Variants in XYLT1 observed in about 807,000 individuals in gnomAD.
The protein encoded by XYLT1 is xylosyltransferase 1.
Under a neutral mutation model 91.3 loss-of-function variants are expected in XYLT1, and 36 were observed. The observed-to-expected ratio is 0.39, with a 90% CI of 0.30 to 0.52. The LOEUF (loss-of-function observed/expected upper bound fraction) is 0.52. Among genes scored for constraint, XYLT1 ranks in the 20% least tolerant of loss-of-function variants. XYLT1 has a pLI of 0.68. For synonymous variants in XYLT1, 588 were observed against 532.0 expected (o/e 1.11, Z -1.45); for missense variants, 1,242 against 1,284.5 (o/e 0.97, Z 0.51).
intron 1 of XYLT1, among the ~76,000 whole-genome samples, chr16:17,392,185 AC>A (rs1770831385): frequency 6.6e-6 from 1 of 152,132 alleles, no homozygotes; most frequent in Non-Finnish European, 1.5e-5. Flanking sequence ...ATAGGATCTT[AC>A]CCCTGCCTGT....
At chr16:17,251,425 G>C (rs2033536948) in intron 3 of XYLT1, 1 of 152,236 alleles carries the variant, frequency 6.6e-6, no homozygotes, top group Admixed American at 6.5e-5. Flanking sequence ...ATCTTCCCTG[G>C]AACTTCTCAC....
rs1184192940 is a variant in XYLT1 at position 17,176,811 on chromosome 16, C to G, written c.1290-17902G>C. On this transcript the variant is annotated intron_variant, in intron 5 of 11. Coordinates refer to ENST00000261381, the MANE Select transcript of XYLT1 (RefSeq NM_022166.4). ...ACTAGCTATCATGTTTCCCCTCCTC[C>G]AGCAGGCTGGTACAGTCCTCTACTT... Among the ~76,000 whole-genome samples, 3 of 150,972 alleles carry G rather than the reference C, an allele frequency of 2.0e-5. No homozygotes were observed. In the Admixed American group the frequency reaches 2.0e-4, roughly 10 times the overall value.
intron 2 of XYLT1, among the ~76,000 whole-genome samples, chr16:17,352,663 AT>A (rs2035238462): frequency 6.6e-6 from 1 of 152,214 alleles, no homozygotes; most frequent in Non-Finnish European, 1.5e-5. Flanking sequence ...TCCAGCTCAG[AT>A]TCCCCCACTA....
chr16:17,161,392 T>A (rs2031546770), intron 5 of XYLT1, among the ~76,000 whole-genome samples: 1 of 151,878 alleles, frequency 6.6e-6, no homozygotes, highest in African/African-American at 2.4e-5. Flanking sequence ...TGGCAAAGGA[T>A]CCTGATGGAT....
intron 2 of XYLT1, among the ~76,000 whole-genome samples, chr16:17,260,718 T>C (rs2033709963): frequency 6.6e-6 from 1 of 152,250 alleles, no homozygotes; most frequent in Admixed American, 6.5e-5. Flanking sequence ...TCCATTTGTG[T>C]ATTGTCCATG....
At chr16:17,294,112 T>A (rs1410631973) in intron 2 of XYLT1, among the ~76,000 whole-genome samples, 1 of 152,050 alleles carries the variant, frequency 6.6e-6, no homozygotes, top group East Asian at 1.9e-4. Flanking sequence ...GCAGGAGCAG[T>A]TACAAGGCTA....
Position 17,123,166 on chromosome 16 carries a change from C to A in XYLT1, c.2223+4500G>T, listed in dbSNP as rs187826792. Among the ~76,000 whole-genome samples, 87 of 152,244 alleles carry A rather than the reference C, an allele frequency of 5.7e-4. No homozygotes were observed. In the Middle Eastern group the frequency reaches 0.02, roughly 36 times the overall value. ...CATTGAATTTGTAGATTGCTTTTGG[C>A]AGTATGGTCATGGTCACAATATTGA... On this transcript the variant is annotated intron_variant, in intron 10 of 11. Transcript: ENST00000261381.
chr16:17,317,690 T>C (rs2034657457), intron 2 of XYLT1, among the ~76,000 whole-genome samples: 1 of 147,598 alleles, frequency 6.8e-6, no homozygotes, highest in African/African-American at 2.5e-5. Context: ...TGGTATGCAG[T>C]ATCTCTTTAC....
intron 3 of XYLT1, among the ~76,000 whole-genome samples, chr16:17,223,857 T>C (rs1389980228): frequency 1.3e-5 from 2 of 152,268 alleles, no homozygotes; most frequent in African/African-American, 4.8e-5. Context: ...AAGCTCTATC[T>C]ACCAAATAAA....
intron 6 of XYLT1, among the ~76,000 whole-genome samples, chr16:17,144,049 A>G (rs2031065634): frequency 6.6e-6 from 1 of 152,252 alleles, no homozygotes; most frequent in South Asian, 2.1e-4. Flanking sequence ...AAAACCCCAG[A>G]GACAGTACTT....
At chr16:17,379,759 TC>T (rs2035651262) in intron 1 of XYLT1, among the ~76,000 whole-genome samples, 1 of 117,940 alleles carries the variant, frequency 8.5e-6, no homozygotes, top group African/African-American at 3.9e-5. Context: ...TCTCTCTCTC[TC>T]TCTCACACAC....
chr16:17,124,305 TGTAGTGCTGGCTTG>T (rs2030180022), intron 10 of XYLT1, among the ~76,000 whole-genome samples: 1 of 152,236 alleles, frequency 6.6e-6, no homozygotes, highest in Admixed American at 6.5e-5. Context: ...TAGCAGTTCT[TGTAGTGCTGGCTTG>T]GTAGTGGTGA....
chr16:17,342,390 C>T (rs995086040), intron 2 of XYLT1, among the ~76,000 whole-genome samples: 1 of 152,168 alleles, frequency 6.6e-6, no homozygotes, highest in Non-Finnish European at 1.5e-5. Context: ...CTGCTTTGCT[C>T]TCCCATGCTC....
chr16:17,162,011 C>T (rs563107851), intron 5 of XYLT1, among the ~76,000 whole-genome samples: 1 of 152,272 alleles, frequency 6.6e-6, no homozygotes, highest in Admixed American at 6.5e-5. Flanking sequence ...ATACAATAAT[C>T]TCCCAAGTCC....
intron 2 of XYLT1, among the ~76,000 whole-genome samples, chr16:17,262,457 A>G (rs1046730539): frequency 6.6e-6 from 1 of 152,336 alleles, no homozygotes; most frequent in African/African-American, 2.4e-5. Flanking sequence ...AGAAGCATTC[A>G]GTTCCCCTGC....
intron 5 of XYLT1, 157 bp downstream of exon 5, chr16:17,198,055 T>C: frequency 2.7e-6 from 2 of 749,524 alleles, no homozygotes; most frequent in Admixed American, 2.7e-5. Context: ...AATGAATGAG[T>C]GAATGAATCA....
At chr16:17,319,722 T>C (rs1313898233) in intron 2 of XYLT1, among the ~76,000 whole-genome samples, 1 of 152,180 alleles carries the variant, frequency 6.6e-6, no homozygotes, top group Non-Finnish European at 1.5e-5. Flanking sequence ...ATTACAGGCG[T>C]GAGCCCCCAC....
rs566890532 is a variant in XYLT1 at position 17,414,323 on chromosome 16, CTTCATTTATT to C, written c.363+56101_363+56110del. Among the ~76,000 whole-genome samples the C allele has an allele frequency of 1.3e-3, 191 of 152,120 alleles. 1 individual carries two copies. Among genetic ancestry groups the C allele is most frequent in the African/African-American group, 4.1e-3 (171 of 41,482 alleles). On this transcript the variant is annotated intron_variant, in intron 1 of 11. Coordinates refer to ENST00000261381, the MANE Select transcript of XYLT1 (RefSeq NM_022166.4). ...TTTACTTATTCATTTATTTGGTGGG[CTTCATTTATT>C]TGTATTTATTTTTTAGAGACAGGGT...
chr16:17,375,923 AGT>A (rs1204430953), intron 1 of XYLT1, among the ~76,000 whole-genome samples: 2 of 152,232 alleles, frequency 1.3e-5, no homozygotes, highest in Non-Finnish European at 2.9e-5. Context: ...GGGAGGTGGC[AGT>A]GTTGAAAAGG....
Sources: gnomAD v4.1 joint callset for allele counts (sites outside exome capture counted in the v4.1 genomes callset) on GRCh38, gnomAD v4.1.1 for gene constraint, MANE v1.5 for transcripts, NCBI Gene and HGNC (gene_info 2026-07-23, HGNC 2026-07-21) for gene names.